FAM184B: variants seen among roughly 807,000 people sequenced by gnomAD.
FAM184B encodes protein FAM184B.
In FAM184B, 111 loss-of-function variants were observed where a neutral mutation model predicts 135.9. The observed-to-expected ratio is 0.82, with a 90% CI of 0.70 to 0.96. The LOEUF (loss-of-function observed/expected upper bound fraction) is 0.96, where lower values mean the gene tolerates loss of function less well. Among genes scored for constraint, FAM184B ranks in the 40% least tolerant of loss-of-function variants. The pLI is 0.00. For synonymous variants in FAM184B, 552 were observed against 524.8 expected, an observed-to-expected ratio of 1.05 and a Z score of -0.71; for missense variants, 1,375 against 1,323.9, an observed-to-expected ratio of 1.04 and a Z score of -0.60.
intron 10 of FAM184B, among the ~76,000 whole-genome samples, chr4:17,653,407 G>A (rs929612006): frequency 6.6e-6 from 1 of 152,182 alleles, no homozygotes; most frequent in African/African-American, 2.4e-5. Flanking sequence ...GAAGCCCAGG[G>A]CTGGTGTGCA....
At chr4:17,634,358 C>T (rs899642178) in intron 16 of FAM184B, among the ~76,000 whole-genome samples, 2 of 152,180 alleles carry the variant, frequency 1.3e-5, no homozygotes, top group African/African-American at 2.4e-5. Flanking sequence ...TAGCCTTGCT[C>T]TGTCACCCAA....
chr4:17,712,827 C>T (rs560454722), intron 1 of FAM184B, among the ~76,000 whole-genome samples: 6 of 152,232 alleles, frequency 3.9e-5, no homozygotes, highest in South Asian at 2.1e-4. Flanking sequence ...ATAGGCCAAT[C>T]GGGAATAGTG....
chr4:17,639,020 G>T (rs745523360), intron 14 of FAM184B, among the ~76,000 whole-genome samples: 1 of 152,128 alleles, frequency 6.6e-6, no homozygotes, highest in Non-Finnish European at 1.5e-5. Flanking sequence ...TTTCAGTAGA[G>T]ATGGGGTTTC....
chr4:17,693,320 A>G lies in FAM184B; in HGVS notation c.1470T>C (p.Leu490=), dbSNP rs3733579. Residue 490 remains leucine, a synonymous_variant, in exon 6 of 18, where the codon CTT becomes CTC. Coordinates refer to ENST00000265018, the MANE Select transcript of FAM184B (RefSeq NM_015688.2). ...EEEKAALNVK[L]QNSLLEVLRL... ...GGCTCACCTCAAGCAGAGAATTCTG[A>G]AGCTTCACATTGAGGGCTGCTTTCT... 940,325 of 1,550,250 alleles carry G rather than the reference A, an allele frequency of 0.61. 289,655 individuals carry two copies. The highest frequency in any genetic ancestry group is 0.94 in the East Asian group (38,521 of 40,918).
In FAM184B at chr4:17,767,767, A is replaced by T. The variant is rs1206565065; in HGVS notation, c.141+13392T>A. ...AGAGTCCCAGTCTGGATGAGAAATT[A>T]AAAGATCACCCTAAATATGGATGTA... On this transcript the variant is annotated intron_variant, in intron 1 of 17. Transcript: ENST00000265018. Among the ~76,000 whole-genome samples, 3 of 141,856 alleles carry T rather than the reference A, an allele frequency of 2.1e-5. No homozygotes were observed. In the East Asian group the frequency reaches 7.2e-4, roughly 34 times the overall value. The allele number at this position is 141,856 out of a possible 152,430, so 93.1% of individuals were successfully genotyped here.
chr4:17,664,680 GA>G (rs34424676), intron 7 of FAM184B, 21 bp from the exon 8 acceptor site: 154,173 of 1,006,638 alleles, frequency 0.15, 796 homozygotes, highest in African/African-American at 0.2. Flanking sequence ...AAAAGAAAAA[GA>G]AAAAAAAAAA....
rs1167950191 is a variant in FAM184B, at chr4:17,709,283, T to A, written c.503A>T (p.His168Leu). ...YERRLQHLTS[H>L]EATPQGRLPQ... is the part of the protein sequence containing the mutation. ...CAGCCGGCCCTGCGGGGTAGCCTCG[T>A]GGCTCGTCAGGTGCTGGAGCCTCCT... is the stretch of plus-strand genomic sequence containing the variant. The change falls in exon 2 of 18, where the codon CAC becomes CTC. Residue 168 changes from histidine (H) to leucine (L), a missense_variant. Physicochemically the swap from His to Leu is moderately conservative, Grantham distance 99 (BLOSUM62 -3). Transcript: ENST00000265018. 4.5e-6 allele frequency: 7 copies of A among 1,548,744 alleles called. No individual in the cohort carries two copies. Among genetic ancestry groups the A allele is most frequent in the Non-Finnish European group, 5.2e-6 (6 of 1,145,552 alleles).
intron 1 of FAM184B, among the ~76,000 whole-genome samples, chr4:17,712,916 G>A (rs148709255): frequency 1.3e-4 from 20 of 152,270 alleles, no homozygotes; most frequent in Non-Finnish European, 2.1e-4. Flanking sequence ...CATCATCGAC[G>A]GCCAGATGGC....
chr4:17,672,590 G>A (rs1309101270), intron 7 of FAM184B, among the ~76,000 whole-genome samples: 1 of 152,138 alleles, frequency 6.6e-6, no homozygotes, highest in Non-Finnish European at 1.5e-5. Context: ...ATCATAAAGG[G>A]ATGCTGGATT....
intron 1 of FAM184B, among the ~76,000 whole-genome samples, chr4:17,766,821 C>T (rs1718706447): frequency 2.6e-5 from 4 of 152,242 alleles, no homozygotes; most frequent in Admixed American, 2.6e-4. Context: ...CTCCTCAGCC[C>T]CTGGGCGGTC....
chr4:17,673,252 G>T (rs1716220905), intron 7 of FAM184B, among the ~76,000 whole-genome samples: 1 of 151,962 alleles, frequency 6.6e-6, no homozygotes, highest in African/African-American at 2.4e-5. Flanking sequence ...TGCAAGAATG[G>T]CCATTAAAAA....
chr4:17,765,199 G>A (rs556932800), intron 1 of FAM184B, among the ~76,000 whole-genome samples: 7 of 152,268 alleles, frequency 4.6e-5, no homozygotes, highest in Non-Finnish European at 8.8e-5. Flanking sequence ...TGTAGTTACC[G>A]AGTCAGGACC....
intron 7 of FAM184B, among the ~76,000 whole-genome samples, chr4:17,679,933 C>T (rs1303352089): frequency 6.6e-6 from 1 of 152,146 alleles, no homozygotes; most frequent in East Asian, 1.9e-4. Context: ...GAATGGAAAA[C>T]CAAACATGGT....
chr4:17,741,166 T>C (rs1369104609), intron 1 of FAM184B, among the ~76,000 whole-genome samples: 1 of 152,190 alleles, frequency 6.6e-6, no homozygotes, highest in African/African-American at 2.4e-5. Flanking sequence ...GCTAACATTC[T>C]AGTGGGAGGA....
chr4:17,751,419 G>A (rs1560193200), intron 1 of FAM184B, among the ~76,000 whole-genome samples: 1 of 151,830 alleles, frequency 6.6e-6, no homozygotes, highest in Non-Finnish European at 1.5e-5. Flanking sequence ...AAAAACCACT[G>A]ACATGCTGAG....
At chr4:17,685,702 T>G (rs1038707384) in intron 7 of FAM184B, among the ~76,000 whole-genome samples, 6 of 152,102 alleles carry the variant, frequency 3.9e-5, no homozygotes, top group Non-Finnish European at 7.4e-5. Context: ...TTTTGTCCCC[T>G]GGAGACATTT....
At chr4:17,641,639 C>T (rs1212630370) in intron 13 of FAM184B, among the ~76,000 whole-genome samples, 3 of 50,724 alleles carry the variant, frequency 5.9e-5, no homozygotes, top group African/African-American at 9.3e-5. Flanking sequence ...CCACCACGCC[C>T]GGCCTTTTTT....
rs190604286 is a variant in FAM184B, at chr4:17,653,542, T to C, written c.2038-559A>G. Among the ~76,000 whole-genome samples, 240 of 152,258 alleles carry C rather than the reference T, an allele frequency of 1.6e-3. 1 individual carries two copies. Among genetic ancestry groups the C allele is most frequent in the African/African-American group, 5.3e-3 (221 of 41,554 alleles). Reference sequence around the variant, plus strand: ...GGTTCATATTCATTCATTCTTTTTTTCCCTACTTTTTATTTTTGGTTCATT... The same window carrying C: ...GGTTCATATTCATTCATTCTTTTTTCCCCTACTTTTTATTTTTGGTTCATT... On this transcript the variant is annotated intron_variant, in intron 10 of 17. Coordinates refer to ENST00000265018, the MANE Select transcript of FAM184B (RefSeq NM_015688.2).
intron 1 of FAM184B, among the ~76,000 whole-genome samples, chr4:17,767,323 G>A (rs1342164326): frequency 1.3e-5 from 2 of 152,194 alleles, no homozygotes; most frequent in Middle Eastern, 3.2e-3. Context: ...ACAAAGCCCC[G>A]AGCCAGCTAG....
Sources: gnomAD v4.1 joint callset for allele counts (sites outside exome capture counted in the v4.1 genomes callset) on GRCh38, gnomAD v4.1.1 for gene constraint, MANE v1.5 for transcripts, NCBI Gene and HGNC (gene_info 2026-07-23, HGNC 2026-07-21) for gene names.